The following FGF14 variants were observed in gnomAD, a reference collection of about 807,000 sequenced individuals.
FGF14 encodes the protein fibroblast growth factor 14.
In FGF14, 5 loss-of-function variants were observed where a neutral mutation model predicts 25.5. The observed-to-expected ratio is 0.20, with a 90% CI of 0.10 to 0.41. FGF14 has a LOEUF of 0.41. Among genes scored for constraint, FGF14 ranks in the 10% least tolerant of loss-of-function variants. The probability of loss-of-function intolerance (pLI) is 1.00; values close to 1 mark genes in which losing one functional copy is unlikely to be tolerated. For missense variants in FGF14, 222 were observed against 320.1 expected (o/e 0.69, Z 2.34); for synonymous variants, 138 against 118.3 (o/e 1.17, Z -1.08).
chr13:102,349,963 C>T (rs2057227569), intron 1 of FGF14, among the ~76,000 whole-genome samples: 1 of 152,200 alleles, frequency 6.6e-6, no homozygotes, highest in African/African-American at 2.4e-5. Context: ...TGTGCGTGCA[C>T]ACTGAATTAT....
At chr13:101,815,194 T>A (rs1261237949) in intron 3 of FGF14, among the ~76,000 whole-genome samples, 1 of 152,196 alleles carries the variant, frequency 6.6e-6, no homozygotes, top group Non-Finnish European at 1.5e-5. Flanking sequence ...ACAGTAAGCA[T>A]CCATGTTTTT....
At chr13:102,112,234 C>T (rs1049307636) in intron 1 of FGF14, among the ~76,000 whole-genome samples, 2 of 152,182 alleles carry the variant, frequency 1.3e-5, no homozygotes, top group East Asian at 1.9e-4. Flanking sequence ...GGTCAGGCTT[C>T]GAGCCCAGGT....
chr13:102,200,971 G>A (rs1367831055), intron 1 of FGF14, among the ~76,000 whole-genome samples: 9 of 151,734 alleles, frequency 5.9e-5, no homozygotes, highest in Non-Finnish European at 1.2e-4. Flanking sequence ...GCGTGGTGGG[G>A]GGCGCCTGTA....
At chr13:101,839,637 T>C (rs998908638) in intron 3 of FGF14, among the ~76,000 whole-genome samples, 1 of 152,020 alleles carries the variant, frequency 6.6e-6, no homozygotes, top group Non-Finnish European at 1.5e-5. Flanking sequence ...GAAAATGAGG[T>C]ATCGTAATTC....
intron 1 of FGF14, among the ~76,000 whole-genome samples, chr13:101,876,440 A>C (rs2045398749): frequency 6.6e-6 from 1 of 152,184 alleles, no homozygotes; most frequent in Admixed American, 6.6e-5. Flanking sequence ...AGGTGAAGAC[A>C]AAAAAATTTT....
chr13:102,059,877 AAAAGAAAAGAAAG>A (rs1012680886), intron 1 of FGF14, among the ~76,000 whole-genome samples: 1 of 151,872 alleles, frequency 6.6e-6, no homozygotes, highest in Non-Finnish European at 1.5e-5. Context: ...AAACAAAAAA[AAAAGAAAAGAAAG>A]AAAGAAAAGA....
chr13:101,969,801 G>T (rs1001585745), intron 1 of FGF14, among the ~76,000 whole-genome samples: 2 of 152,186 alleles, frequency 1.3e-5, no homozygotes, highest in African/African-American at 4.8e-5. Context: ...TGTGATGACT[G>T]GGGTGAAAGG....
intron 3 of FGF14, among the ~76,000 whole-genome samples, chr13:101,832,173 G>A (rs781258353): frequency 5.3e-5 from 8 of 152,020 alleles, no homozygotes; most frequent in Non-Finnish European, 1.0e-4. Flanking sequence ...CAGAGGCAGA[G>A]ATTGAGTGAT....
At chr13:102,022,047 G>A (rs1157232431) in intron 1 of FGF14, among the ~76,000 whole-genome samples, 1 of 152,022 alleles carries the variant, frequency 6.6e-6, no homozygotes, top group East Asian at 1.9e-4. Context: ...GCGTCCACTT[G>A]GGCAGACTTC....
intron 1 of FGF14, among the ~76,000 whole-genome samples, chr13:101,908,351 G>A (rs985495583): frequency 3.3e-5 from 5 of 151,962 alleles, no homozygotes; most frequent in African/African-American, 4.8e-5. Context: ...TTTTGTTTCC[G>A]ATTCCTCATC....
At chr13:102,054,023 T>C (rs1197891805) in intron 1 of FGF14, among the ~76,000 whole-genome samples, 1 of 152,276 alleles carries the variant, frequency 6.6e-6, no homozygotes, top group East Asian at 1.9e-4. Flanking sequence ...GTAAGCAATA[T>C]TTATTTCATG....
chr13:101,807,057 G>C (rs1163931002), intron 3 of FGF14, among the ~76,000 whole-genome samples: 3 of 152,094 alleles, frequency 2.0e-5, no homozygotes, highest in Non-Finnish European at 4.4e-5. Context: ...ATAAGAAAAA[G>C]AAAAGGGGCA....
intron 1 of FGF14, among the ~76,000 whole-genome samples, chr13:102,242,286 C>T (rs1351805995): frequency 1.3e-5 from 2 of 152,060 alleles, no homozygotes; most frequent in Non-Finnish European, 2.9e-5. Context: ...GTCTGACAGG[C>T]AGGAAGAGCC....
chr13:102,210,712 T>C (rs958318013), intron 1 of FGF14, among the ~76,000 whole-genome samples: 8 of 152,086 alleles, frequency 5.3e-5, no homozygotes, highest in African/African-American at 1.9e-4. Context: ...TAATTAAATG[T>C]CAAGAAAGCA....
chr13:102,218,848 A>G (rs1419993682), intron 1 of FGF14, among the ~76,000 whole-genome samples: 4 of 152,156 alleles, frequency 2.6e-5, no homozygotes, highest in African/African-American at 4.8e-5. Flanking sequence ...AAGATTATAA[A>G]TTGCTCTCTT....
intron 1 of FGF14, among the ~76,000 whole-genome samples, chr13:102,320,774 T>C (rs1307031514): frequency 6.6e-5 from 10 of 152,188 alleles, no homozygotes; most frequent in African/African-American, 2.4e-4. Context: ...GTGCATGTTA[T>C]GCCAAAAGCT....
chr13:102,141,637 A>G (rs1430891474), intron 1 of FGF14, among the ~76,000 whole-genome samples: 1 of 152,216 alleles, frequency 6.6e-6, no homozygotes, highest in Admixed American at 6.5e-5. Flanking sequence ...TTATTTCTCC[A>G]ATACATAATT....
chr13:101,840,806 G>A (rs1169056349), intron 3 of FGF14, among the ~76,000 whole-genome samples: 1 of 151,896 alleles, frequency 6.6e-6, no homozygotes, highest in African/African-American at 2.4e-5. Flanking sequence ...TATATTTAGA[G>A]AAAATCAAGA....
chr13:102,202,463 T>C (rs961695194), intron 1 of FGF14, among the ~76,000 whole-genome samples: 2 of 152,164 alleles, frequency 1.3e-5, no homozygotes, highest in African/African-American at 4.8e-5. Context: ...GTGAGGGTGA[T>C]GGCCAGGGCA....
Sources: gnomAD v4.1 joint callset for allele counts (sites outside exome capture counted in the v4.1 genomes callset) on GRCh38, gnomAD v4.1.1 for gene constraint, MANE v1.5 for transcripts, NCBI Gene and HGNC (gene_info 2026-07-23, HGNC 2026-07-21) for gene names.